Variants in F3 observed in about 807,000 individuals in gnomAD.
F3 encodes the protein coagulation factor III, tissue factor.
F3 carries 18 observed loss-of-function variants against 33.5 expected under a neutral mutation model. That is an observed-to-expected ratio of 0.54 (90% CI 0.37 to 0.80). F3 has a LOEUF of 0.80. Ranked by LOEUF, F3 falls within the 30% of genes least tolerant of loss-of-function variation. F3 has a pLI of 0.00. For synonymous variants in F3, 147 were observed against 140.7 expected (o/e 1.05, Z -0.32); for missense variants, 353 against 362.1 (o/e 0.97, Z 0.20).
intron 2 of F3, among the ~76,000 whole-genome samples, chr1:94,538,034 A>G (rs1341779826): frequency 2.6e-5 from 4 of 152,244 alleles, no homozygotes; most frequent in African/African-American, 4.8e-5. Context: ...GGATTTATAC[A>G]GTACCCTGGT....
chr1:94,536,709 G>C (rs1225471051), intron 2 of F3, among the ~76,000 whole-genome samples: 1 of 152,184 alleles, frequency 6.6e-6, no homozygotes, highest in African/African-American at 2.4e-5. Context: ...CTGAGACAAA[G>C]TGAGGTTGTT....
At chr1:94,532,518 G>C (rs1321516325) in intron 4 of F3, 38 bp from the exon 5 acceptor site, 2 of 1,604,922 alleles carry the variant, frequency 1.2e-6, no homozygotes, top group Non-Finnish European at 1.7e-6. Context: ...TCTGGGCTCT[G>C]AGTCAATTCT....
chr1:94,536,091 C>T lies in F3; in HGVS notation c.286G>A (p.Val96Met), dbSNP rs1651597689. 1.2e-6 allele frequency: 2 copies of T among 1,614,190 alleles called. No individual in the cohort carries two copies. The highest frequency in any genetic ancestry group is 2.2e-5 in the East Asian group (1 of 44,870). Residue 96 changes from valine to methionine, a missense_variant, in exon 3 of 6, where the codon GTG becomes ATG. Coordinates refer to ENST00000334047, the MANE Select transcript of F3 (RefSeq NM_001993.5). ...DTECDLTDEI[V>M]KDVKQTYLAR... ...AAGTACGTCTGCTTCACATCCTTCA[C>T]AATCTCGTCGGTGAGGTCACACTCT...
intron 3 of F3, among the ~76,000 whole-genome samples, chr1:94,534,449 T>C (rs1346296570): frequency 6.6e-6 from 1 of 152,214 alleles, no homozygotes; most frequent in Non-Finnish European, 1.5e-5. Context: ...CATTTTAATG[T>C]GTAATCAATA....
At position 94,541,645 on chromosome 1, in the gene F3, G is replaced by A; in HGVS notation, c.-9C>T. On this transcript the variant is annotated 5_prime_UTR_variant, in exon 1 of 6. Coordinates refer to ENST00000334047, the MANE Select transcript of F3 (RefSeq NM_001993.5). ...CAGGCAGGGGTCTCCATGTCTACCA[G>A]TTGGCGGCGAGATCGAGCGGGTTCC... 1 of 1,396,756 alleles carries A rather than the reference G, an allele frequency of 7.2e-7. No individual in the cohort carries two copies. Among genetic ancestry groups the A allele is most frequent in the Non-Finnish European group, 9.4e-7 (1 of 1,068,664 alleles). 86.5% of individuals were successfully genotyped at this position (1,396,756 alleles called of 1,614,324 possible). A position where few individuals can be genotyped will look rare whatever the true frequency, so the allele number is the denominator to read the frequency against.
At chr1:94,532,285 C>T in intron 5 of F3, 36 bp downstream of exon 5, 1 of 1,609,026 alleles carries the variant, frequency 6.2e-7, no homozygotes, top group Non-Finnish European at 8.5e-7. Context: ...CCACAGCACC[C>T]ATACCCCCAG....
chr1:94,534,909 A>C (rs192233338), intron 3 of F3, among the ~76,000 whole-genome samples: 148 of 152,238 alleles, frequency 9.7e-4, no homozygotes, highest in African/African-American at 3.4e-3. Context: ...ATGAATGTCA[A>C]CCATGCCACA....
At position 94,541,584 on chromosome 1, in the gene F3, C is replaced by T; in HGVS notation, c.53G>A (p.Arg18Gln). The change falls in exon 1 of 6, where the codon CGG becomes CAG. Residue 18 changes from arginine to glutamine, a missense_variant. Arg to Gln is a conservative substitution (Grantham distance 43). Transcript: ENST00000334047. ...RVPRPETAVA[R>Q]TLLLGWVFAQ... ...GAAGACCCAGCCGAGCAGGAGCGTC[C>T]GAGCGACGGCGGTCTCGGGGCGCGG... 2 of 1,478,152 alleles carry T rather than the reference C, an allele frequency of 1.4e-6. No homozygotes were observed. The highest frequency in any genetic ancestry group is 1.8e-6 in the Non-Finnish European group (2 of 1,111,538). 91.6% of individuals were successfully genotyped at this position (1,478,152 alleles called of 1,614,324 possible).
intron 4 of F3, 119 bp from the exon 5 acceptor site, chr1:94,532,599 C>T: frequency 9.4e-7 from 1 of 1,066,204 alleles, no homozygotes; most frequent in Non-Finnish European, 1.4e-6. Context: ...ACACAGCTGA[C>T]ACGTGAAGGA....
At chr1:94,532,222 A>T in intron 5 of F3, 99 bp downstream of exon 5, 1 of 1,186,748 alleles carries the variant, frequency 8.4e-7, no homozygotes, top group Non-Finnish European at 1.2e-6. Flanking sequence ...TGAATATTTA[A>T]CCAAGGAAGT....
intron 3 of F3, among the ~76,000 whole-genome samples, chr1:94,534,058 G>A (rs900324029): frequency 2.0e-5 from 3 of 151,906 alleles, no homozygotes; most frequent in African/African-American, 7.3e-5. Context: ...GTAGAGATGG[G>A]GTTTCACCAT....
rs1651458013 is a variant in F3, at chr1:94,532,354, C to T, written c.718G>A (p.Glu240Lys). Reference sequence around the variant, plus strand: ...TCCCCTTTCTCCTGGCCCATACACTCTACCGGGCTGTCTGTACTCTTCCGG... The same window carrying T: ...TCCCCTTTCTCCTGGCCCATACACTTTACCGGGCTGTCTGTACTCTTCCGG... ...VNRKSTDSPV[E>K]CMGQEKGEFR... Residue 240 changes from glutamate (E) to lysine (K), a missense_variant, in exon 5 of 6, where the codon GAG becomes AAG. Coordinates refer to ENST00000334047, the MANE Select transcript of F3 (RefSeq NM_001993.5). 2 of 1,614,194 alleles carry T rather than the reference C, an allele frequency of 1.2e-6. No individual in the cohort carries two copies. The highest frequency in any genetic ancestry group is 2.2e-5 in the East Asian group (1 of 44,880).
chr1:94,541,467 G>T, intron 1 of F3, 70 bp downstream of exon 1: 1 of 1,227,970 alleles, frequency 8.1e-7, no homozygotes, highest in Non-Finnish European at 1.1e-6. Context: ...CGAGCCCGCT[G>T]CCAGCCAGGA....
At position 94,530,610 on chromosome 1, in the gene F3, G is replaced by A. The variant is rs769522235; in HGVS notation, c.752-14C>T. ...TGTAGAATATTTCTGAAAAATAAAG[G>A]GCATCTAGTCAACTTGGAGAGCTCA... On this transcript the variant is annotated splice_polypyrimidine_tract_variant and intron_variant, in intron 5 of 5. Transcript: ENST00000334047. The A allele has an allele frequency of 6.2e-7, 1 of 1,613,028 alleles. No homozygotes were observed. The highest frequency in any genetic ancestry group is 1.1e-5 in the South Asian group (1 of 91,022).
chr1:94,529,803 G>A lies in F3; in HGVS notation c.*657C>T, dbSNP rs966787616. ...CTCAAAAGCTTTTCGGCTGGGCATG[G>A]TGGTTCACGCCCATAATACTAGCAC... On this transcript the variant is annotated 3_prime_UTR_variant, in exon 6 of 6. Transcript: ENST00000334047. 1.2e-4 allele frequency: 19 copies of A among 152,086 alleles called. No individual in the cohort carries two copies. Among genetic ancestry groups the A allele is most frequent in the African/African-American group, 4.3e-4 (18 of 41,410 alleles). 9.4% of individuals were successfully genotyped at this position (152,086 alleles called of 1,614,324 possible).
chr1:94,531,094 A>G (rs1651408846), intron 5 of F3, among the ~76,000 whole-genome samples: 1 of 152,170 alleles, frequency 6.6e-6, no homozygotes, highest in African/African-American at 2.4e-5. Flanking sequence ...TGTGCACAAA[A>G]GGAGAGGCAG....
At chr1:94,541,321 G>A (rs1316103935) in intron 1 of F3, among the ~76,000 whole-genome samples, 6 of 152,220 alleles carry the variant, frequency 3.9e-5, no homozygotes, top group African/African-American at 1.4e-4. Context: ...AAGGGGCAGC[G>A]GGGTCTGGGG....
Position 94,529,333 on chromosome 1 carries a change from CTTTA to C in F3, c.*1123_*1126del, listed in dbSNP as rs1651345764. 1 of 152,418 alleles carries C rather than the reference CTTTA, an allele frequency of 6.6e-6. No homozygotes were observed. 9.4% of individuals were successfully genotyped at this position (152,418 alleles called of 1,614,324 possible). On this transcript the variant is annotated 3_prime_UTR_variant, in exon 6 of 6. Coordinates refer to ENST00000334047, the MANE Select transcript of F3 (RefSeq NM_001993.5). ...TACAACAGTAACAATTCCCAGTCAC[CTTTA>C]TTTAAAGTATATTAAATAAATTATC... is the stretch of plus-strand genomic sequence containing the variant.
At chr1:94,534,607 A>C (rs553400982) in intron 3 of F3, among the ~76,000 whole-genome samples, 2 of 152,264 alleles carry the variant, frequency 1.3e-5, no homozygotes, top group Non-Finnish European at 2.9e-5. Context: ...ACGATATTTT[A>C]GGTTCAAAAA....
Sources: gnomAD v4.1 joint callset for allele counts (sites outside exome capture counted in the v4.1 genomes callset) on GRCh38, gnomAD v4.1.1 for gene constraint, MANE v1.5 for transcripts, NCBI Gene and HGNC (gene_info 2026-07-23, HGNC 2026-07-21) for gene names.